The following IGSF21 variants were observed in gnomAD, a reference collection of about 807,000 sequenced individuals.
IGSF21 encodes the protein immunoglobin superfamily member 21, also known as immunoglobulin superfamily member 21.
In IGSF21, 28 loss-of-function variants were observed where a neutral mutation model predicts 46.8. The observed-to-expected ratio is 0.60, with a 90% CI of 0.44 to 0.82. The LOEUF is 0.82. IGSF21 is among the 40% of genes least tolerant of loss of function. The pLI, the probability that IGSF21 is intolerant of heterozygous loss-of-function variation, is 0.00. For missense variants in IGSF21, 624 were observed against 665.5 expected (o/e 0.94, Z 0.69); for synonymous variants, 284 against 273.6 (o/e 1.04, Z -0.38).
chr1:18,330,977 T>C (rs531416606), intron 3 of IGSF21, among the ~76,000 whole-genome samples: 2 of 152,370 alleles, frequency 1.3e-5, no homozygotes, highest in South Asian at 4.1e-4. Flanking sequence ...TAGGGTTCAC[T>C]TCTGGTGTTC....
At chr1:18,332,513 A>G (rs999214040) in intron 3 of IGSF21, among the ~76,000 whole-genome samples, 6 of 131,312 alleles carry the variant, frequency 4.6e-5, no homozygotes, top group South Asian at 2.4e-4. Context: ...TTTTTTTTTT[A>G]TCTAAAATAT....
chr1:18,190,739 C>G (rs1419163444), intron 1 of IGSF21, among the ~76,000 whole-genome samples: 1 of 152,206 alleles, frequency 6.6e-6, no homozygotes, highest in Non-Finnish European at 1.5e-5. Flanking sequence ...CAGGAGCCAG[C>G]CACTGGCCAG....
At chr1:18,179,614 G>A (rs1455823237) in intron 1 of IGSF21, among the ~76,000 whole-genome samples, 2 of 151,934 alleles carry the variant, frequency 1.3e-5, no homozygotes, top group African/African-American at 4.8e-5. Context: ...GTCCCTACTG[G>A]GCCTGATGGA....
intron 2 of IGSF21, among the ~76,000 whole-genome samples, chr1:18,258,749 G>C (rs1354014010): frequency 6.6e-6 from 1 of 152,198 alleles, no homozygotes; most frequent in African/African-American, 2.4e-5. Flanking sequence ...AAAATGGGAA[G>C]ATACTTCCTT....
intron 2 of IGSF21, among the ~76,000 whole-genome samples, chr1:18,266,709 A>G (rs778945645): frequency 2.6e-5 from 4 of 152,250 alleles, no homozygotes; most frequent in Non-Finnish European, 5.9e-5. Flanking sequence ...CCCAGGTCCA[A>G]GGAGCAGAGA....
At chr1:18,196,406 G>A (rs1211391681) in intron 1 of IGSF21, among the ~76,000 whole-genome samples, 1 of 152,144 alleles carries the variant, frequency 6.6e-6, no homozygotes, top group Non-Finnish European at 1.5e-5. Context: ...GATACTTCCT[G>A]AGTCCCTGCA....
chr1:18,216,398 G>A (rs2084446709), intron 1 of IGSF21, among the ~76,000 whole-genome samples: 2 of 152,140 alleles, frequency 1.3e-5, no homozygotes, highest in African/African-American at 4.8e-5. Flanking sequence ...GAAGGCAATG[G>A]GGCAGGGAAA....
chr1:18,343,817 C>T (rs917822132), intron 4 of IGSF21, among the ~76,000 whole-genome samples: 2 of 152,206 alleles, frequency 1.3e-5, no homozygotes, highest in Non-Finnish European at 2.9e-5. Context: ...TATCCCTGTG[C>T]ACGTCTGGTG....
At chr1:18,133,962 A>G (rs2086345850) in intron 1 of IGSF21, among the ~76,000 whole-genome samples, 1 of 152,218 alleles carries the variant, frequency 6.6e-6, no homozygotes, top group Non-Finnish European at 1.5e-5. Flanking sequence ...GGAGAATAAA[A>G]TGAGCTAAAT....
At chr1:18,183,852 G>A (rs1479023799) in intron 1 of IGSF21, among the ~76,000 whole-genome samples, 1 of 152,136 alleles carries the variant, frequency 6.6e-6, no homozygotes, top group Non-Finnish European at 1.5e-5. Context: ...GCAGAAGGGA[G>A]GGTCCCACTG....
chr1:18,376,394 A>G lies in IGSF21; in HGVS notation c.1100A>G (p.Gln367Arg). The change falls in exon 7 of 10, where the codon CAG (glutamine) becomes CGG (arginine). Residue 367 changes from glutamine to arginine, a missense_variant and splice_region_variant. Transcript: ENST00000251296. ...GTGAGGATTCTGGTCCATGGGTTTC[A>G]GGTCAGCCTCTCTCTGAGCATCTGG... ...DTVRILVHGF[Q>R]NEVFPEPMFT... 6.2e-7 allele frequency: 1 copy of G among 1,611,314 alleles called. No homozygotes were observed. Among genetic ancestry groups the G allele is most frequent in the Non-Finnish European group, 8.5e-7 (1 of 1,177,528 alleles).
intron 2 of IGSF21, among the ~76,000 whole-genome samples, chr1:18,252,816 A>G (rs901866989): frequency 1.3e-5 from 2 of 152,292 alleles, no homozygotes; most frequent in East Asian, 3.9e-4. Flanking sequence ...CCTCACTGTT[A>G]TATCTTGAGT....
chr1:18,288,717 T>C (rs2085238932), intron 2 of IGSF21, among the ~76,000 whole-genome samples: 1 of 152,204 alleles, frequency 6.6e-6, no homozygotes, highest in African/African-American at 2.4e-5. Context: ...TGAGCGTGTC[T>C]GAGCCTCCCA....
At chr1:18,248,144 C>T (rs2084802312) in intron 2 of IGSF21, among the ~76,000 whole-genome samples, 2 of 152,334 alleles carry the variant, frequency 1.3e-5, no homozygotes, top group South Asian at 4.1e-4. Flanking sequence ...GGAGATGCAA[C>T]CAGGTTATTG....
intron 2 of IGSF21, among the ~76,000 whole-genome samples, chr1:18,241,970 G>A (rs1161500674): frequency 6.6e-6 from 1 of 152,228 alleles, no homozygotes; most frequent in Non-Finnish European, 1.5e-5. Context: ...CCTTTGGGAA[G>A]CTCTGTGGCC....
intron 1 of IGSF21, among the ~76,000 whole-genome samples, chr1:18,172,554 A>G (rs1188701695): frequency 3.9e-5 from 6 of 152,196 alleles, no homozygotes; most frequent in Non-Finnish European, 8.8e-5. Flanking sequence ...GGGACTTCAC[A>G]TGGCCTTTCC....
intron 1 of IGSF21, among the ~76,000 whole-genome samples, chr1:18,140,685 G>A (rs565973632): frequency 3.0e-4 from 45 of 152,278 alleles, no homozygotes; most frequent in African/African-American, 1.1e-3. Context: ...ACATCCTTCT[G>A]GACTCAGCTC....
At chr1:18,188,407 T>C (rs549925862) in intron 1 of IGSF21, among the ~76,000 whole-genome samples, 1 of 152,184 alleles carries the variant, frequency 6.6e-6, no homozygotes, top group Admixed American at 6.5e-5. Context: ...GCCAGTAAAA[T>C]ATGGCCTTTG....
chr1:18,233,996 C>A (rs2124511874), intron 2 of IGSF21, among the ~76,000 whole-genome samples: 1 of 152,214 alleles, frequency 6.6e-6, no homozygotes, highest in Non-Finnish European at 1.5e-5. Context: ...AGACAGGAAA[C>A]AATACAGTCC....
Sources: gnomAD v4.1 joint callset for allele counts (sites outside exome capture counted in the v4.1 genomes callset) on GRCh38, gnomAD v4.1.1 for gene constraint, MANE v1.5 for transcripts, NCBI Gene and HGNC (gene_info 2026-07-23, HGNC 2026-07-21) for gene names.